RIT2: variants seen among roughly 807,000 people sequenced by gnomAD.
RIT2 encodes Ras like without CAAX 2.
Under a neutral mutation model 23.7 loss-of-function variants are expected in RIT2, and 24 were observed. That is an observed-to-expected ratio of 1.01 (90% CI 0.73 to 1.43). The LOEUF is 1.43. RIT2 is among the 40% of genes most tolerant of loss of function. The probability of loss-of-function intolerance (pLI) is 0.00; values close to 1 mark genes in which losing one functional copy is unlikely to be tolerated. For synonymous variants in RIT2, 107 were observed against 91.1 expected (o/e 1.17, Z -0.99); for missense variants, 236 against 266.9 (o/e 0.88, Z 0.81).
intron 4 of RIT2, among the ~76,000 whole-genome samples, chr18:42,879,927 C>A (rs1214093854): frequency 1.3e-5 from 2 of 152,080 alleles, no homozygotes; most frequent in African/African-American, 4.8e-5. Context: ...TAATTTTCTT[C>A]TGGAAACACT....
intron 2 of RIT2, among the ~76,000 whole-genome samples, chr18:43,013,441 G>A (rs1219311124): frequency 6.6e-6 from 1 of 151,748 alleles, no homozygotes; most frequent in Admixed American, 6.6e-5. Context: ...GATTCCCAGT[G>A]GGGAGAATGT....
chr18:43,038,612 T>C (rs896786221), intron 1 of RIT2, among the ~76,000 whole-genome samples: 3 of 152,178 alleles, frequency 2.0e-5, no homozygotes, highest in African/African-American at 7.2e-5. Flanking sequence ...CTTTAAGTTA[T>C]TTCTGTTTCT....
intron 4 of RIT2, among the ~76,000 whole-genome samples, chr18:42,910,141 A>G (rs1908729273): frequency 6.6e-6 from 1 of 152,188 alleles, no homozygotes; most frequent in Admixed American, 6.6e-5. Flanking sequence ...AACTATTTTC[A>G]AGTTATCCAC....
intron 4 of RIT2, among the ~76,000 whole-genome samples, chr18:42,793,261 CCAGT>C (rs1914082718): frequency 1.3e-5 from 2 of 152,078 alleles, no homozygotes; most frequent in South Asian, 2.1e-4. Flanking sequence ...TAAAATGATA[CCAGT>C]CAAATTTTCT....
Position 43,013,518 on chromosome 18 carries a change from A to T in RIT2, c.160+20293T>A, listed in dbSNP as rs2144257001. On this transcript the variant is annotated intron_variant, in intron 2 of 4. Coordinates refer to ENST00000326695, the MANE Select transcript of RIT2 (RefSeq NM_002930.4). ...ATTTATAGATGAGCTTAGGAAAGGA[A>T]AGTACAACTACAACAGAAAAACATG... Among the ~76,000 whole-genome samples the T allele has an allele frequency of 1.3e-5, 2 of 151,866 alleles. 1 individual carries two copies. Among genetic ancestry groups the T allele is most frequent in the Middle Eastern group, 6.8e-3 (2 of 294 alleles).
chr18:42,851,721 A>T (rs1323367134), intron 4 of RIT2, among the ~76,000 whole-genome samples: 1 of 152,080 alleles, frequency 6.6e-6, no homozygotes, highest in East Asian at 1.9e-4. Flanking sequence ...GTGGTGGCAC[A>T]TGCGTATAGT....
At chr18:42,941,701 C>A (rs1324214855) in intron 3 of RIT2, among the ~76,000 whole-genome samples, 1 of 152,092 alleles carries the variant, frequency 6.6e-6, no homozygotes, top group Non-Finnish European at 1.5e-5. Flanking sequence ...TAATATCTAA[C>A]ATGATATATT....
At chr18:43,071,165 G>T (rs1014210203) in intron 1 of RIT2, among the ~76,000 whole-genome samples, 4 of 152,094 alleles carry the variant, frequency 2.6e-5, no homozygotes, top group Admixed American at 2.0e-4. Context: ...TGCGAGGTTT[G>T]CTTTAGTGGT....
At chr18:42,791,043 C>A (rs552713180) in intron 4 of RIT2, among the ~76,000 whole-genome samples, 1 of 152,104 alleles carries the variant, frequency 6.6e-6, no homozygotes, top group African/African-American at 2.4e-5. Flanking sequence ...TCCCTACATG[C>A]CTTTTGTTGT....
At chr18:42,837,898 A>T (rs1241048941) in intron 4 of RIT2, among the ~76,000 whole-genome samples, 1 of 152,234 alleles carries the variant, frequency 6.6e-6, no homozygotes, top group African/African-American at 2.4e-5. Context: ...AGGTAAATAT[A>T]GGACTATAGC....
At chr18:42,830,211 A>G (rs181362794) in intron 4 of RIT2, among the ~76,000 whole-genome samples, 78 of 152,340 alleles carry the variant, frequency 5.1e-4, no homozygotes, top group Admixed American at 6.5e-5. Context: ...TCATAAAGCC[A>G]CTATCTGAAG....
chr18:42,941,518 C>T (rs2144159112), intron 3 of RIT2, among the ~76,000 whole-genome samples: 1 of 152,176 alleles, frequency 6.6e-6, no homozygotes, highest in Non-Finnish European at 1.5e-5. Flanking sequence ...TTAATAAATT[C>T]CTTAAAACAA....
chr18:43,087,228 C>A (rs900847169), intron 1 of RIT2, among the ~76,000 whole-genome samples: 3 of 151,624 alleles, frequency 2.0e-5, no homozygotes, highest in Non-Finnish European at 4.4e-5. Flanking sequence ...GGCAACAGAG[C>A]AAGACTCTGT....
intron 2 of RIT2, among the ~76,000 whole-genome samples, chr18:42,999,827 G>A (rs1035298556): frequency 8.6e-5 from 13 of 151,978 alleles, no homozygotes; most frequent in Non-Finnish European, 1.5e-4. Context: ...TGGCAAAAAC[G>A]GCAGACCTCT....
At chr18:42,833,871 G>C (rs1389114389) in intron 4 of RIT2, among the ~76,000 whole-genome samples, 3 of 152,066 alleles carry the variant, frequency 2.0e-5, no homozygotes. Context: ...ACACAGTATT[G>C]TTCTCAGGGT....
At chr18:42,853,128 C>T (rs1213668703) in intron 4 of RIT2, among the ~76,000 whole-genome samples, 1 of 152,170 alleles carries the variant, frequency 6.6e-6, no homozygotes, top group Non-Finnish European at 1.5e-5. Flanking sequence ...GCCACCATGC[C>T]TGGCCTCTTT....
intron 1 of RIT2, among the ~76,000 whole-genome samples, chr18:43,101,164 C>A (rs1913675151): frequency 6.6e-6 from 1 of 151,964 alleles, no homozygotes; most frequent in South Asian, 2.1e-4. Flanking sequence ...AACATTTTAA[C>A]CATGCCTCTT....
At chr18:43,014,992 A>T (rs2144258762) in intron 2 of RIT2, among the ~76,000 whole-genome samples, 1 of 151,872 alleles carries the variant, frequency 6.6e-6, no homozygotes, top group South Asian at 2.1e-4. Flanking sequence ...TATGTATTAC[A>T]AAATGAGGCA....
intron 3 of RIT2, among the ~76,000 whole-genome samples, chr18:42,936,031 A>G (rs1909450009): frequency 6.6e-6 from 1 of 150,588 alleles, no homozygotes; most frequent in Non-Finnish European, 1.5e-5. Context: ...TGGTGCAGGG[A>G]GCAGCTTTTG....
Sources: gnomAD v4.1 joint callset for allele counts (sites outside exome capture counted in the v4.1 genomes callset) on GRCh38, gnomAD v4.1.1 for gene constraint, MANE v1.5 for transcripts, NCBI Gene and HGNC (gene_info 2026-07-23, HGNC 2026-07-21) for gene names.